The following NDEL1 variants were observed in gnomAD, a reference collection of about 807,000 sequenced individuals.
NDEL1 encodes the protein nudE neurodevelopment protein 1 like 1.
NDEL1 carries 9 observed loss-of-function variants against 45.7 expected under a neutral mutation model. The ratio of observed to expected loss-of-function variants is 0.20; its 90% CI spans 0.12 to 0.34. NDEL1 has a LOEUF of 0.34. Among genes scored for constraint, NDEL1 ranks in the 10% least tolerant of loss-of-function variants. The pLI is 1.00. For missense variants in NDEL1, 306 were observed against 406.2 expected, an observed-to-expected ratio of 0.75 and a Z score of 2.12; for synonymous variants, 133 against 158.6, an observed-to-expected ratio of 0.84 and a Z score of 1.21.
intron 4 of NDEL1, among the ~76,000 whole-genome samples, chr17:8,447,217 A>G (rs562630894): frequency 8.5e-5 from 13 of 152,270 alleles, no homozygotes; most frequent in Admixed American, 5.9e-4. Context: ...ATCTCGGCTC[A>G]CTGCAACCTC....
chr17:8,417,089 ATCTC>A (rs1031960937), intron 1 of NDEL1, among the ~76,000 whole-genome samples: 7 of 151,430 alleles, frequency 4.6e-5, no homozygotes, highest in Non-Finnish European at 7.4e-5. Context: ...TTGCTGCTGA[ATCTC>A]TCTCTCTTTC....
chr17:8,417,173 A>G (rs142676536), intron 1 of NDEL1, among the ~76,000 whole-genome samples: 2,642 of 152,036 alleles, frequency 0.017, 83 homozygotes, highest in African/African-American at 0.059. Context: ...CTGGAGTACA[A>G]CAGTGCAATC....
At chr17:8,418,537 A>G (rs916655175) in intron 1 of NDEL1, among the ~76,000 whole-genome samples, 1 of 152,116 alleles carries the variant, frequency 6.6e-6, no homozygotes, top group Admixed American at 6.5e-5. Context: ...TGAACCATCT[A>G]TTTGTGTCCA....
Position 8,460,057 on chromosome 17 carries a change from G to A in NDEL1, c.841G>A (p.Ala281Thr), listed in dbSNP as rs1472865691. ...AACRNFAKDQ[A>T]SRKSYISGNV... ...TTGCAGGAATTTTGCAAAGGACCAA[G>A]CATCACGAAAATCCTATATTTCAGG... Residue 281 changes from alanine (A) to threonine (T), a missense_variant, in exon 8 of 9, where the codon GCA becomes ACA. Ala to Thr is a moderately conservative substitution (Grantham distance 58, BLOSUM62 0). Transcript: ENST00000334527. 1.9e-6 allele frequency: 3 copies of A among 1,614,010 alleles called. No homozygotes were observed. Among genetic ancestry groups the A allele is most frequent in the East Asian group, 4.5e-5 (2 of 44,894 alleles).
intron 1 of NDEL1, among the ~76,000 whole-genome samples, chr17:8,437,885 T>C (rs1328165244): frequency 6.6e-6 from 1 of 151,658 alleles, no homozygotes. Context: ...TACGTAAAAA[T>C]TGTCATGCTT....
chr17:8,437,083 T>A (rs540687199), intron 1 of NDEL1, among the ~76,000 whole-genome samples: 5 of 152,340 alleles, frequency 3.3e-5, no homozygotes, highest in Non-Finnish European at 7.4e-5. Context: ...TGCTCAGTCA[T>A]GAGAAAAATC....
chr17:8,463,119 G>A (rs910191865), intron 8 of NDEL1: 1 of 463,612 alleles, frequency 2.2e-6, no homozygotes, highest in African/African-American at 2.0e-5. Flanking sequence ...TTCATGTGGA[G>A]TGTGGTCGCT....
Position 8,450,827 on chromosome 17 carries a change from A to G in NDEL1, c.574A>G (p.Arg192Gly). 2 of 1,612,614 alleles carry G rather than the reference A, an allele frequency of 1.2e-6. No homozygotes were observed. Residue 192 changes from arginine to glycine, a missense_variant, in exon 6 of 9, where the codon AGA becomes GGA. By Grantham distance (125) the Arg-to-Gly change is moderately radical. Around this residue, in one of 3 missense-constraint regions of NDEL1, gnomAD observed 175 missense variants for 205.2 expected, o/e 0.85. Coordinates refer to ENST00000334527, the MANE Select transcript of NDEL1 (RefSeq NM_030808.5). ...TCGGGAAAGACAACAGGAAGTAACT[A>G]GAAAGTCGGCTCCTAGCTCTCCAAC... ...AVRERQQEVT[R>G]KSAPSSPTLD...
downstream of NDEL1, among the ~76,000 whole-genome samples, chr17:8,471,976 A>G (rs1911842664): frequency 6.6e-6 from 1 of 152,074 alleles, no homozygotes; most frequent in Non-Finnish European, 1.5e-5. Context: ...GGGGCCTCGC[A>G]AGGGGAGACC....
intron 1 of NDEL1, 110 bp from the exon 2 acceptor site, chr17:8,444,150 A>C (rs1909933800): frequency 1.5e-6 from 1 of 673,844 alleles, no homozygotes. Context: ...GGAATCTCTC[A>C]TGTTTTATTC....
At chr17:8,421,788 C>A (rs1008206927) in intron 1 of NDEL1, among the ~76,000 whole-genome samples, 3 of 152,182 alleles carry the variant, frequency 2.0e-5, no homozygotes, top group Non-Finnish European at 4.4e-5. Flanking sequence ...TAAGACTATC[C>A]TTAGTCATTA....
intron 7 of NDEL1, among the ~76,000 whole-genome samples, chr17:8,455,414 G>A (rs924474774): frequency 6.6e-6 from 1 of 152,120 alleles, no homozygotes; most frequent in Admixed American, 6.5e-5. Flanking sequence ...CCAGCCGGAC[G>A]CGGTGGCTCA....
At chr17:8,466,851 T>G in intron 8 of NDEL1, 79 bp from the exon 9 acceptor site, 1 of 1,375,152 alleles carries the variant, frequency 7.3e-7, no homozygotes, top group Non-Finnish European at 1.0e-6. Context: ...GCAGATTAAT[T>G]TCCTATTGTG....
chr17:8,452,740 C>CTTTTTTTTTTTTTTTTTTTTTTTTGTT, intron 6 of NDEL1, among the ~76,000 whole-genome samples: 1 of 95,628 alleles, frequency 1.0e-5, no homozygotes, highest in Non-Finnish European at 2.0e-5. Flanking sequence ...TTTTTCTTCT[C>CTTTTTTTTTTTTTTTTTTTTTTTTGTT]TTTTTTTTTT....
chr17:8,473,748 T>C (rs1282763143), intron 3 of NDEL1, among the ~76,000 whole-genome samples: 1 of 152,220 alleles, frequency 6.6e-6, no homozygotes. Context: ...CGGCATTCTC[T>C]GTTTGATTCT....
chr17:8,456,492 C>CTTTTTTTTTTTTTTTTTTTTTTTTTTA, intron 7 of NDEL1, among the ~76,000 whole-genome samples: 1 of 82,812 alleles, frequency 1.2e-5, no homozygotes, highest in Non-Finnish European at 2.4e-5. Context: ...TAGGTTATAT[C>CTTTTTTTTTTTTTTTTTTTTTTTTTTA]TTTTTTTTTT....
At chr17:8,446,441 C>T (rs974760891) in intron 3 of NDEL1, among the ~76,000 whole-genome samples, 1 of 152,144 alleles carries the variant, frequency 6.6e-6, no homozygotes, top group Non-Finnish European at 1.5e-5. Flanking sequence ...TGTGCTTACC[C>T]TGGGCCGCAT....
chr17:8,435,857 T>A (rs1424729192), upstream of NDEL1: 3 of 445,810 alleles, frequency 6.7e-6, no homozygotes, highest in Admixed American at 4.7e-5. Context: ...CCCCCGTGCG[T>A]CACAGAATGG....
chr17:8,445,433 C>T (rs757958879), intron 2 of NDEL1, among the ~76,000 whole-genome samples: 2 of 152,186 alleles, frequency 1.3e-5, no homozygotes, highest in Non-Finnish European at 2.9e-5. Flanking sequence ...ATTTTTCTCG[C>T]ATCTGAGTTC....
Sources: gnomAD v4.1 joint callset for allele counts (sites outside exome capture counted in the v4.1 genomes callset) on GRCh38, gnomAD v4.1.1 for gene constraint, gnomAD v4.1.1 regional missense constraint, MANE v1.5 for transcripts, NCBI Gene and HGNC (gene_info 2026-07-23, HGNC 2026-07-21) for gene names.